The following RORA variants were observed in gnomAD, a reference collection of about 807,000 sequenced individuals.
RORA encodes the protein RAR related orphan receptor A.
RORA carries 7 observed loss-of-function variants against 69.5 expected under a neutral mutation model. The observed-to-expected ratio is 0.10, with a 90% CI of 0.06 to 0.19. RORA has a LOEUF of 0.19. Among genes scored for constraint, RORA ranks in the 10% least tolerant of loss-of-function variants. The pLI, the probability that RORA is intolerant of heterozygous loss-of-function variation, is 1.00. For synonymous variants in RORA, 261 were observed against 240.8 expected, an observed-to-expected ratio of 1.08 and a Z score of -0.78; for missense variants, 457 against 663.0, an observed-to-expected ratio of 0.69 and a Z score of 3.41.
intron 1 of RORA, among the ~76,000 whole-genome samples, chr15:60,791,134 C>T (rs567333728): frequency 1.3e-5 from 2 of 152,198 alleles, no homozygotes; most frequent in South Asian, 4.2e-4. Flanking sequence ...TAGAACGAGC[C>T]CAGGCTGATG....
intron 1 of RORA, among the ~76,000 whole-genome samples, chr15:60,822,574 C>T (rs943804425): frequency 2.1e-4 from 32 of 152,302 alleles, no homozygotes; most frequent in African/African-American, 7.5e-4. Flanking sequence ...GTGAGATCCA[C>T]CTCAGAAGAA....
At chr15:60,701,960 G>C (rs570278842) in intron 1 of RORA, among the ~76,000 whole-genome samples, 1 of 152,142 alleles carries the variant, frequency 6.6e-6, no homozygotes, top group Non-Finnish European at 1.5e-5. Flanking sequence ...CCCGAGGAAC[G>C]CTTAATTGAT....
At chr15:60,886,292 C>A (rs1312129839) in intron 1 of RORA, among the ~76,000 whole-genome samples, 2 of 152,098 alleles carry the variant, frequency 1.3e-5, no homozygotes. Context: ...AAGGTTCTAA[C>A]TCGGGATTTC....
intron 1 of RORA, among the ~76,000 whole-genome samples, chr15:61,104,546 G>A (rs1166423533): frequency 6.6e-6 from 1 of 152,096 alleles, no homozygotes; most frequent in East Asian, 1.9e-4. Context: ...ACACCTTACT[G>A]GATAAAGACA....
chr15:60,759,380 C>T (rs1446067338), intron 1 of RORA, among the ~76,000 whole-genome samples: 1 of 152,134 alleles, frequency 6.6e-6, no homozygotes, highest in East Asian at 1.9e-4. Flanking sequence ...TAATTGAATT[C>T]TCACTATAGG....
At chr15:60,716,331 CT>C (rs1263127238) in intron 1 of RORA, among the ~76,000 whole-genome samples, 1 of 152,210 alleles carries the variant, frequency 6.6e-6, no homozygotes, top group East Asian at 1.9e-4. Flanking sequence ...GAGATACCGC[CT>C]TTTGTATCAT....
intron 1 of RORA, among the ~76,000 whole-genome samples, chr15:60,855,268 C>T (rs1285825118): frequency 1.3e-5 from 2 of 152,178 alleles, no homozygotes; most frequent in Non-Finnish European, 2.9e-5. Flanking sequence ...TGGAGAGACA[C>T]AGCTTAGCAG....
At chr15:61,001,988 G>A (rs1364264996) in intron 1 of RORA, among the ~76,000 whole-genome samples, 2 of 152,222 alleles carry the variant, frequency 1.3e-5, no homozygotes, top group Non-Finnish European at 2.9e-5. Flanking sequence ...CGTGGCCCAC[G>A]GGGGCAGCCA....
At chr15:60,621,329 C>A (rs2069401770) in intron 2 of RORA, among the ~76,000 whole-genome samples, 1 of 152,076 alleles carries the variant, frequency 6.6e-6, no homozygotes, top group Non-Finnish European at 1.5e-5. Context: ...TGTCAGCTAC[C>A]CAACTAGGCC....
At chr15:60,597,595 C>CATAT (rs1303389761) in intron 2 of RORA, among the ~76,000 whole-genome samples, 1,037 of 30,322 alleles carry the variant, frequency 0.034, 125 homozygotes, top group South Asian at 0.081. Context: ...TATATATATA[C>CATAT]ACATATATAT....
intron 1 of RORA, among the ~76,000 whole-genome samples, chr15:60,919,022 C>T (rs1891959268): frequency 6.6e-6 from 1 of 152,126 alleles, no homozygotes; most frequent in African/African-American, 2.4e-5. Flanking sequence ...TGGTAGGTTC[C>T]ATCTACTTAT....
At chr15:61,208,211 T>C (rs544303790) in intron 1 of RORA, among the ~76,000 whole-genome samples, 2 of 152,326 alleles carry the variant, frequency 1.3e-5, no homozygotes, top group Non-Finnish European at 2.9e-5. Context: ...AATGGAAGAT[T>C]ATTCAGCAAC....
At chr15:60,554,656 T>C (rs1333473434) in intron 2 of RORA, among the ~76,000 whole-genome samples, 1 of 152,148 alleles carries the variant, frequency 6.6e-6, no homozygotes, top group Non-Finnish European at 1.5e-5. Flanking sequence ...CCTAGAACTC[T>C]AGCTACTTTG....
chr15:60,851,597 G>T (rs1249848303), intron 1 of RORA, among the ~76,000 whole-genome samples: 1 of 152,126 alleles, frequency 6.6e-6, no homozygotes, highest in Non-Finnish European at 1.5e-5. Context: ...AATAGGGGAA[G>T]GAGGTAAACC....
At chr15:60,913,728 C>G (rs1891794414) in intron 1 of RORA, among the ~76,000 whole-genome samples, 1 of 152,202 alleles carries the variant, frequency 6.6e-6, no homozygotes, top group South Asian at 2.1e-4. Context: ...ACTATAGAAT[C>G]TGCTTAAATA....
At chr15:60,843,556 T>C (rs752171255) in intron 1 of RORA, among the ~76,000 whole-genome samples, 2 of 152,182 alleles carry the variant, frequency 1.3e-5, no homozygotes, top group South Asian at 2.1e-4. Context: ...AAATGTCCAC[T>C]AGCTGCCCAA....
In RORA at chr15:60,494,183, A is replaced by T. The variant is rs2065111912; in HGVS notation, c.*3272T>A. 1 of 29,916 alleles carries T rather than the reference A, an allele frequency of 3.3e-5. No homozygotes were observed. Among genetic ancestry groups the T allele is most frequent in the African/African-American group, 5.3e-5 (1 of 18,732 alleles). The allele number at this position is 29,916 out of a possible 1,614,324, so 1.9% of individuals were successfully genotyped here. A position where few individuals can be genotyped will look rare whatever the true frequency, so the allele number is the denominator to read the frequency against. ...TACACGTTAAGATGCTGAACACTTT[A>T]AAAAAAATCCGTAGCTTTAACACAA... is the stretch of plus-strand genomic sequence containing the variant. On this transcript the variant is annotated 3_prime_UTR_variant, in exon 11 of 11. Coordinates refer to ENST00000335670, the MANE Select transcript of RORA (RefSeq NM_134261.3).
intron 2 of RORA, among the ~76,000 whole-genome samples, chr15:60,640,084 A>C (rs1422668634): frequency 6.6e-6 from 1 of 152,134 alleles, no homozygotes; most frequent in Non-Finnish European, 1.5e-5. Flanking sequence ...TAATTACTTA[A>C]CTTCTCTGAG....
chr15:60,613,082 G>A (rs1176419211), intron 2 of RORA, among the ~76,000 whole-genome samples: 1 of 151,354 alleles, frequency 6.6e-6, no homozygotes, highest in Non-Finnish European at 1.5e-5. Flanking sequence ...TCCAAAGTCA[G>A]TAAAACAAAT....
Sources: gnomAD v4.1 joint callset for allele counts (sites outside exome capture counted in the v4.1 genomes callset) on GRCh38, gnomAD v4.1.1 for gene constraint, MANE v1.5 for transcripts, NCBI Gene and HGNC (gene_info 2026-07-23, HGNC 2026-07-21) for gene names.